Variants in TMEM260 observed in about 807,000 individuals in gnomAD.
TMEM260 encodes transmembrane protein 260, also known as protein O-mannosyl-transferase TMEM260.
A neutral mutation model predicts 88.9 loss-of-function variants in TMEM260; 82 were observed. The observed-to-expected ratio is 0.92, with a 90% CI of 0.77 to 1.11. The LOEUF is 1.11. Among genes scored for constraint, TMEM260 ranks in the 50% least tolerant of loss-of-function variants. TMEM260 has a pLI of 0.00. For synonymous variants in TMEM260, 314 were observed against 309.3 expected (o/e 1.02, Z -0.16); for missense variants, 902 against 853.4 (o/e 1.06, Z -0.71).
chr14:56,645,787 G>A (rs1244511362), intron 15 of TMEM260, among the ~76,000 whole-genome samples: 2 of 152,084 alleles, frequency 1.3e-5, no homozygotes, highest in South Asian at 2.1e-4. Flanking sequence ...CTTTACACCC[G>A]TGTCTTATCA....
Position 56,618,594 on chromosome 14 carries a change from G to A in TMEM260, c.1057G>A (p.Val353Met). 2 of 1,613,734 alleles carry A rather than the reference G, an allele frequency of 1.2e-6. No homozygotes were observed. The highest frequency in any genetic ancestry group is 1.7e-6 in the Non-Finnish European group (2 of 1,179,922). Residue 353 changes from valine (V) to methionine (M), a missense_variant and splice_region_variant, in exon 10 of 16, where the codon GTG becomes ATG. Transcript: ENST00000261556. Reference sequence around the variant, plus strand: ...CACTGGTTGCATGTCTCTTTCACAGGTGGAACGATTCTGGATGCAGAGCAA... The same window carrying A: ...CACTGGTTGCATGTCTCTTTCACAGATGGAACGATTCTGGATGCAGAGCAA... ...DISKPLFMGV[V>M]ERFWMQSNAV...
downstream of TMEM260, among the ~76,000 whole-genome samples, chr14:56,654,541 G>A (rs555190820): frequency 2.6e-5 from 4 of 151,292 alleles, no homozygotes; most frequent in South Asian, 2.1e-4. Context: ...AATGTCAGGC[G>A]GGTGCAGTGG....
rs757993207 is a variant in TMEM260, at chr14:56,580,821, A to T, written c.160+747A>T. On this transcript the variant is annotated intron_variant, in intron 1 of 15. Coordinates refer to ENST00000261556, the MANE Select transcript of TMEM260 (RefSeq NM_017799.4). ...TTGTTTTTGGATTCAATAATGCCAT[A>T]TCATGGCCAGTAATTTTGTCAGAAT... 4.6e-5 allele frequency among the ~76,000 whole-genome samples: 7 copies of T among 152,238 alleles called. No homozygotes were observed. The South Asian group carries it at 1.2e-3, about 27-fold the overall frequency.
At chr14:56,631,822 G>A (rs1339544436) in intron 12 of TMEM260, among the ~76,000 whole-genome samples, 2 of 152,132 alleles carry the variant, frequency 1.3e-5, no homozygotes, top group East Asian at 3.9e-4. Context: ...ACCAGTTTCA[G>A]GTGTTTCTAT....
intron 15 of TMEM260, among the ~76,000 whole-genome samples, chr14:56,641,722 A>G (rs993231294): frequency 2.0e-5 from 3 of 152,240 alleles, no homozygotes; most frequent in African/African-American, 7.2e-5. Context: ...CAGACTGGCA[A>G]ATTGGATAAA....
chr14:56,601,521 C>T (rs765643301), intron 3 of TMEM260, among the ~76,000 whole-genome samples: 3 of 152,080 alleles, frequency 2.0e-5, no homozygotes, highest in Non-Finnish European at 4.4e-5. Flanking sequence ...GGTAATTCAT[C>T]TATTTATAGG....
chr14:56,612,244 G>C lies in TMEM260; in HGVS notation c.817-1G>C, dbSNP rs768267687. ...GATAAACTTTTGTCTTTTGTGTTTAGGCCAAATCTGAAATAGGATCCAGTA... is the reference window on the plus strand; with the variant it reads ...GATAAACTTTTGTCTTTTGTGTTTACGCCAAATCTGAAATAGGATCCAGTA... On this transcript the variant is annotated splice_acceptor_variant, in intron 6 of 15. Coordinates refer to ENST00000261556, the MANE Select transcript of TMEM260 (RefSeq NM_017799.4). LOFTEE classifies it high-confidence loss of function. 1 of 1,613,238 alleles carries C rather than the reference G, an allele frequency of 6.2e-7. No homozygotes were observed. Among genetic ancestry groups the C allele is most frequent in the Non-Finnish European group, 8.5e-7 (1 of 1,179,452 alleles).
chr14:56,585,278 G>A (rs1197364452), intron 2 of TMEM260, among the ~76,000 whole-genome samples: 1 of 151,990 alleles, frequency 6.6e-6, no homozygotes, highest in Non-Finnish European at 1.5e-5. Flanking sequence ...TATAAGCTGT[G>A]GGGAATAAAA....
At position 56,625,427 on chromosome 14, in the gene TMEM260, C is replaced by G; in HGVS notation, c.1444C>G (p.Pro482Ala). The change falls in exon 12 of 16, where the codon CCA (proline) becomes GCA (alanine). Residue 482 changes from proline (P) to alanine (A), a missense_variant. Physicochemically the swap from Pro to Ala is conservative, Grantham distance 27. Coordinates refer to ENST00000261556, the MANE Select transcript of TMEM260 (RefSeq NM_017799.4). ...WYLPKMAKHL[P>A]GVNFPGNRWN... ...TTTACCCAAGATGGCAAAGCACTTG[C>G]CAGGTGTCAACTTTCCTGGGAACCG... The G allele has an allele frequency of 6.2e-7, 1 of 1,613,908 alleles. No individual in the cohort carries two copies. Among genetic ancestry groups the G allele is most frequent in the East Asian group, 2.2e-5 (1 of 44,864 alleles).
Position 56,600,093 on chromosome 14 carries a change from G to GCA in TMEM260, c.345-3721_345-3720dup, listed in dbSNP as rs762908977. 2.1e-3 allele frequency among the ~76,000 whole-genome samples: 318 copies of GCA among 152,248 alleles called. 1 individual carries two copies. Among genetic ancestry groups the GCA allele is most frequent in the Non-Finnish European group, 3.1e-3 (214 of 68,008 alleles). On this transcript the variant is annotated intron_variant, in intron 3 of 15. Coordinates refer to ENST00000261556, the MANE Select transcript of TMEM260 (RefSeq NM_017799.4). ...TGTTGAAATATGTGCATTTTAAGGA[G>GCA]CATTCAGAGTTTGACTTATAAAAAT...
At chr14:56,613,503 G>A (rs1034465164) in intron 7 of TMEM260, 1 of 152,092 alleles carries the variant, frequency 6.6e-6, no homozygotes, top group African/African-American at 2.4e-5. Flanking sequence ...TTATTAATCT[G>A]TTAATGACTA....
intron 15 of TMEM260, among the ~76,000 whole-genome samples, chr14:56,645,087 G>A (rs550120824): frequency 2.4e-3 from 366 of 150,380 alleles, no homozygotes; most frequent in Non-Finnish European, 3.7e-3. Context: ...TCAGTGTGGT[G>A]ATTCCTCAGG....
intron 1 of TMEM260, 46 bp downstream of exon 1, chr14:56,580,120 C>G (rs573986643): frequency 8.0e-7 from 1 of 1,242,814 alleles, no homozygotes; most frequent in Non-Finnish European, 1.0e-6. Context: ...TCCCCTGGTC[C>G]CAGAACGGGC....
downstream of TMEM260, among the ~76,000 whole-genome samples, chr14:56,653,069 G>A (rs1226852205): frequency 4.6e-5 from 7 of 152,126 alleles, no homozygotes; most frequent in Non-Finnish European, 1.0e-4. Context: ...CAAGGCAGGT[G>A]GATCACCTGA....
At chr14:56,632,476 G>A (rs1888686218) in intron 12 of TMEM260, among the ~76,000 whole-genome samples, 1 of 152,134 alleles carries the variant, frequency 6.6e-6, no homozygotes, top group Admixed American at 6.5e-5. Context: ...GGAAAGGAGA[G>A]AAAGAAAAAG....
In TMEM260 at chr14:56,621,606, A is replaced by C; in HGVS notation, c.1302A>C (p.Ala434=). ...TTCTCACCTCTATGCCTCATGATGCAATTATCTTACTCAGAGGAGATTTGC... is the reference window on the plus strand; with the variant it reads ...TTCTCACCTCTATGCCTCATGATGCCATTATCTTACTCAGAGGAGATTTGC... The part of the protein sequence containing the change: ...KNLLTSMPHD[A]IILLRGDLPG... Residue 434 remains alanine (A), a synonymous_variant, in exon 11 of 16, where the codon GCA becomes GCC. Coordinates refer to ENST00000261556, the MANE Select transcript of TMEM260 (RefSeq NM_017799.4). The C allele has an allele frequency of 6.2e-7, 1 of 1,613,688 alleles. No homozygotes were observed.
chr14:56,606,777 C>T (rs1261641196), intron 5 of TMEM260, among the ~76,000 whole-genome samples: 1 of 152,172 alleles, frequency 6.6e-6, no homozygotes, highest in Non-Finnish European at 1.5e-5. Flanking sequence ...CGCCTGTAGT[C>T]CCAGCTACTC....
chr14:56,662,345 C>G, the TMEM260 span, among the ~76,000 whole-genome samples: 336 of 152,306 alleles, frequency 2.2e-3, 3 homozygotes, highest in African/African-American at 7.8e-3. Context: ...GAGACAGGCT[C>G]TAGGTTTAAC....
intron 11 of TMEM260, 28 bp from the exon 12 acceptor site, chr14:56,625,352 GTC>G: frequency 8.1e-6 from 13 of 1,601,320 alleles, no homozygotes; most frequent in Non-Finnish European, 1.1e-5. Context: ...TATATTAAAA[GTC>G]TGACATTATG....
Sources: allele counts gnomAD v4.1 joint callset (sites outside exome capture counted in the v4.1 genomes callset), GRCh38; gene constraint gnomAD v4.1.1; transcripts MANE v1.5; gene names NCBI Gene and HGNC (gene_info 2026-07-23, HGNC 2026-07-21).